Variants in LUZP1 observed in about 807,000 individuals in gnomAD.
LUZP1 encodes filamin mechanobinding actin cross-linking protein.
LUZP1 carries 25 observed loss-of-function variants against 71.3 expected under a neutral mutation model. That is an observed-to-expected ratio of 0.35 (90% CI 0.26 to 0.49). LUZP1 has a LOEUF of 0.49. Ranked by LOEUF, LUZP1 falls within the 20% of genes least tolerant of loss-of-function variation. LUZP1 has a pLI of 0.99. For missense variants in LUZP1, 1,142 were observed against 1,300.8 expected (o/e 0.88, Z 1.88); for synonymous variants, 481 against 506.4 (o/e 0.95, Z 0.67).
At chr1:23,168,156 C>T (rs904472513) in intron 2 of LUZP1, among the ~76,000 whole-genome samples, 5 of 145,520 alleles carry the variant, frequency 3.4e-5, no homozygotes, top group African/African-American at 9.8e-5. Flanking sequence ...GACCCCTCCC[C>T]GCCCGGCCCG....
chr1:23,154,191 G>A (rs944615970), intron 2 of LUZP1, among the ~76,000 whole-genome samples: 2 of 152,150 alleles, frequency 1.3e-5, no homozygotes, highest in Non-Finnish European at 2.9e-5. Flanking sequence ...GACTACAAAA[G>A]AGCAGAAGGG....
At chr1:23,122,543 C>T (rs1644138784) in intron 2 of LUZP1, among the ~76,000 whole-genome samples, 1 of 152,166 alleles carries the variant, frequency 6.6e-6, no homozygotes, top group Admixed American at 6.5e-5. Flanking sequence ...GCAGTTAAGC[C>T]AGGCAGTACT....
intron 2 of LUZP1, among the ~76,000 whole-genome samples, chr1:23,110,346 G>T (rs1369719323): frequency 6.6e-6 from 1 of 152,168 alleles, no homozygotes; most frequent in South Asian, 2.1e-4. Flanking sequence ...AATTAGAGAA[G>T]AGCTACTACA....
chr1:23,115,949 G>C (rs781324227), intron 2 of LUZP1, among the ~76,000 whole-genome samples: 24 of 152,338 alleles, frequency 1.6e-4, no homozygotes, highest in Non-Finnish European at 3.1e-4. Context: ...ATTCACCTAC[G>C]GAGAGAAAGT....
intron 2 of LUZP1, among the ~76,000 whole-genome samples, chr1:23,136,288 C>T (rs926544845): frequency 1.6e-4 from 17 of 108,872 alleles, no homozygotes; most frequent in African/African-American, 5.9e-4. Context: ...GGGCAGATTC[C>T]GTCTTAAACA....
intron 2 of LUZP1, among the ~76,000 whole-genome samples, chr1:23,166,382 C>T (rs982076791): frequency 4.6e-5 from 7 of 151,988 alleles, no homozygotes; most frequent in Admixed American, 1.3e-4. Context: ...TGACTGGGAG[C>T]GGTGGCTCAC....
intron 2 of LUZP1, among the ~76,000 whole-genome samples, chr1:23,155,858 G>T (rs942920632): frequency 6.6e-6 from 1 of 152,006 alleles, no homozygotes; most frequent in Non-Finnish European, 1.5e-5. Context: ...CACTAAAATG[G>T]CCTAAATCAG....
At chr1:23,167,293 C>G (rs1370289549) in intron 2 of LUZP1, among the ~76,000 whole-genome samples, 2 of 152,170 alleles carry the variant, frequency 1.3e-5, no homozygotes, top group African/African-American at 4.8e-5. Context: ...GCTCTGACAC[C>G]AGTCCAGCTC....
exon 5 of LUZP1, chr1:23,084,700 T>TCTGA (rs780987820): frequency 6.8e-6 from 1 of 147,274 alleles, no homozygotes; most frequent in Admixed American, 6.8e-5. Flanking sequence ...ATATTGGTGA[T>TCTGA]CTGACTGGAA....
chr1:23,117,340 G>T (rs1644087577), intron 2 of LUZP1, among the ~76,000 whole-genome samples: 1 of 151,926 alleles, frequency 6.6e-6, no homozygotes, highest in African/African-American at 2.4e-5. Flanking sequence ...CTGTTGTAAG[G>T]ATTATATAAA....
chr1:23,170,052 C>T (rs1644541028), intron 1 of LUZP1, among the ~76,000 whole-genome samples: 2 of 152,140 alleles, frequency 1.3e-5, no homozygotes, highest in Non-Finnish European at 2.9e-5. Flanking sequence ...ACATTTGACC[C>T]TTTGCTGAAG....
At chr1:23,141,803 CCAGGCAGCTGGGACCA>C (rs1226745626) in intron 2 of LUZP1, among the ~76,000 whole-genome samples, 1 of 152,088 alleles carries the variant, frequency 6.6e-6, no homozygotes, top group Non-Finnish European at 1.5e-5. Context: ...CCTCAGCCTC[CCAGGCAGCTGGGACCA>C]CAGGCATACA....
chr1:23,163,619 T>C lies in LUZP1; in HGVS notation c.-226+5147A>G, dbSNP rs552865937. 1.5e-4 allele frequency among the ~76,000 whole-genome samples: 23 copies of C among 149,470 alleles called. No individual in the cohort carries two copies. In the South Asian group the frequency reaches 4.8e-3, roughly 31 times the overall value. Reference sequence around the variant, plus strand: ...AGTTGTGCAATACTAAAGGATTAACTATCAATTCCTTAGAACATAAGGAGG... The same window carrying C: ...AGTTGTGCAATACTAAAGGATTAACCATCAATTCCTTAGAACATAAGGAGG... On this transcript the variant is annotated intron_variant, in intron 2 of 4. Coordinates refer to ENST00000302291, the Ensembl canonical transcript of LUZP1.
chr1:23,124,392 T>A (rs1644154336), intron 2 of LUZP1, among the ~76,000 whole-genome samples: 1 of 152,152 alleles, frequency 6.6e-6, no homozygotes, highest in Non-Finnish European at 1.5e-5. Flanking sequence ...TTCACAAGAC[T>A]GACTTTAAGG....
exon 5 of LUZP1, chr1:23,087,084 C>T (rs1643777265): frequency 6.6e-6 from 1 of 152,142 alleles, no homozygotes; most frequent in African/African-American, 2.4e-5. Flanking sequence ...ACAGGAGATA[C>T]ACAGACTTGG....
At chr1:23,106,278 CCT>C (rs1318813481) in intron 3 of LUZP1, among the ~76,000 whole-genome samples, 6 of 152,090 alleles carry the variant, frequency 3.9e-5, no homozygotes, top group East Asian at 1.9e-4. Context: ...TCCTCAAACC[CCT>C]GTGACCCAGA....
At chr1:23,135,582 A>C (rs1048145530) in intron 2 of LUZP1, among the ~76,000 whole-genome samples, 7 of 152,216 alleles carry the variant, frequency 4.6e-5, no homozygotes, top group African/African-American at 1.7e-4. Flanking sequence ...CATTTTAATC[A>C]GGATTCAAAG....
At chr1:23,085,256 A>G (rs962105551) in exon 5 of LUZP1, 3 of 152,646 alleles carry the variant, frequency 2.0e-5, no homozygotes, top group African/African-American at 7.2e-5. Flanking sequence ...CCTATAATGC[A>G]ATAACAGTTT....
chr1:23,084,389 A>G (rs1353392226), exon 5 of LUZP1: 1 of 151,992 alleles, frequency 6.6e-6, no homozygotes, highest in East Asian at 1.9e-4. Context: ...TTCTGCTTCC[A>G]TCATCACATT....
Sources: gnomAD v4.1 joint callset for allele counts (sites outside exome capture counted in the v4.1 genomes callset) on GRCh38, gnomAD v4.1.1 for gene constraint, MANE v1.5 for transcripts, NCBI Gene and HGNC (gene_info 2026-07-23, HGNC 2026-07-21) for gene names.